Variants in C1orf87 observed in about 807,000 individuals in gnomAD.
The protein encoded by C1orf87 is uncharacterized protein C1orf87.
C1orf87 carries 58 observed loss-of-function variants against 60.5 expected under a neutral mutation model. The ratio of observed to expected loss-of-function variants is 0.96; its 90% CI spans 0.78 to 1.19. C1orf87 has a LOEUF of 1.19. Ranked by LOEUF, C1orf87 falls within the 50% of genes most tolerant of loss-of-function variation. The probability of loss-of-function intolerance (pLI) is 0.00; values close to 1 mark genes in which losing one functional copy is unlikely to be tolerated. For missense variants in C1orf87, 673 were observed against 638.6 expected (o/e 1.05, Z -0.58); for synonymous variants, 236 against 227.4 (o/e 1.04, Z -0.34).
chr1:60,037,358 A>G (rs1487848363), intron 6 of C1orf87, among the ~76,000 whole-genome samples: 1 of 152,224 alleles, frequency 6.6e-6, no homozygotes, highest in Non-Finnish European at 1.5e-5. Flanking sequence ...TTGGGCTGCT[A>G]TAATAGAATA....
At chr1:60,009,642 A>G (rs1645069166) in intron 9 of C1orf87, among the ~76,000 whole-genome samples, 1 of 140,884 alleles carries the variant, frequency 7.1e-6, no homozygotes, top group Admixed American at 7.5e-5. Flanking sequence ...ACACACGCAC[A>G]CACACATGCG....
chr1:60,008,605 C>A lies in C1orf87; in HGVS notation c.1192+1787G>T, dbSNP rs181165186. 2.8e-3 allele frequency: 1,180 copies of A among 422,932 alleles called. 6 individuals are homozygous for A. The highest frequency in any genetic ancestry group is 5.5e-3 in the Middle Eastern group (16 of 2,902). 26.2% of individuals were successfully genotyped at this position (422,932 alleles called of 1,614,324 possible). Reference sequence around the variant, plus strand: ...GACCTATAGAGACACCAGGGATGCACACACACAGAGGAAAGCCATGTGAGG... The same window carrying A: ...GACCTATAGAGACACCAGGGATGCAAACACACAGAGGAAAGCCATGTGAGG... On this transcript the variant is annotated intron_variant, in intron 9 of 11. Coordinates refer to ENST00000371201, the MANE Select transcript of C1orf87 (RefSeq NM_152377.3).
At chr1:59,997,193 G>T (rs993041678) in intron 11 of C1orf87, among the ~76,000 whole-genome samples, 3 of 152,148 alleles carry the variant, frequency 2.0e-5, no homozygotes, top group Non-Finnish European at 2.9e-5. Context: ...GGCAAGGCAA[G>T]TTATTCATTA....
At chr1:60,038,248 G>C (rs1645292530) in intron 5 of C1orf87, 141 bp from the exon 6 acceptor site, 2 of 498,624 alleles carry the variant, frequency 4.0e-6, no homozygotes, top group Admixed American at 3.1e-5. Flanking sequence ...ATAATTATTG[G>C]TGCTTTTTAG....
At chr1:60,045,898 T>A (rs1366629409) in intron 3 of C1orf87, among the ~76,000 whole-genome samples, 1 of 152,214 alleles carries the variant, frequency 6.6e-6, no homozygotes, top group Non-Finnish European at 1.5e-5. Context: ...AATAACATTA[T>A]AACACTTAAA....
rs1223507235 is a variant in C1orf87, at chr1:60,014,784, G to T, written c.1128-4328C>A. Reference sequence around the variant, plus strand: ...TATGTAGTTCTCCAAACTTATTTTTGCTTGGCTTTTGTCTCAGCACATACT... The same window carrying T: ...TATGTAGTTCTCCAAACTTATTTTTTCTTGGCTTTTGTCTCAGCACATACT... On this transcript the variant is annotated intron_variant, in intron 8 of 11. Transcript: ENST00000371201. Among the ~76,000 whole-genome samples, 3 of 151,962 alleles carry T rather than the reference G, an allele frequency of 2.0e-5. No individual in the cohort carries two copies. In the South Asian group the frequency reaches 6.2e-4, roughly 32 times the overall value.
Position 60,038,061 on chromosome 1 carries a change from T to A in C1orf87, c.794A>T (p.Asp265Val), listed in dbSNP as rs1275931274. The change falls in exon 6 of 12, where the codon GAT becomes GTT. Residue 265 changes from aspartate (D) to valine (V), a missense_variant. Coordinates refer to ENST00000371201, the MANE Select transcript of C1orf87 (RefSeq NM_152377.3). ...AGCTGCTTTATTTTGCTGTGGATAA[T>A]CTGATGCTGCACTGTTTAAAAACCA... ...LLWFLNSAASDYPQQNKAAAD... is the reference protein window; with the variant it reads ...LLWFLNSAASVYPQQNKAAAD... 3 of 1,609,892 alleles carry A rather than the reference T, an allele frequency of 1.9e-6. No homozygotes were observed. Among genetic ancestry groups the A allele is most frequent in the Non-Finnish European group, 2.5e-6 (3 of 1,176,800 alleles).
intron 3 of C1orf87, among the ~76,000 whole-genome samples, chr1:60,053,920 CT>C (rs1254190965): frequency 6.6e-6 from 1 of 152,054 alleles, no homozygotes; most frequent in African/African-American, 2.4e-5. Context: ...TGGTATCTAC[CT>C]CACAGGGTTA....
chr1:60,049,954 C>T (rs1308134100), intron 3 of C1orf87, among the ~76,000 whole-genome samples: 1 of 151,952 alleles, frequency 6.6e-6, no homozygotes, highest in African/African-American at 2.4e-5. Flanking sequence ...TTTTCAATTT[C>T]ATTGGTCTTT....
At chr1:60,043,338 A>G (rs1200194359) in intron 3 of C1orf87, among the ~76,000 whole-genome samples, 4 of 152,130 alleles carry the variant, frequency 2.6e-5, no homozygotes, top group Non-Finnish European at 4.4e-5. Flanking sequence ...GCTTTTCCCA[A>G]TTACACTAGG....
chr1:60,040,990 C>A lies in C1orf87; in HGVS notation c.483+1G>T. 1 of 1,606,122 alleles carries A rather than the reference C, an allele frequency of 6.2e-7. No homozygotes were observed. Among genetic ancestry groups the A allele is most frequent in the East Asian group, 2.2e-5 (1 of 44,726 alleles). ...AACTCAACAACTCTTAGTATACACA[C>A]CTCAGGTTGGTCAGAGCTGCCTCTC... is the stretch of plus-strand genomic sequence containing the variant. On this transcript the variant is annotated splice_donor_variant, in intron 4 of 11. Transcript: ENST00000371201. LOFTEE classifies it high-confidence loss of function.
rs188778935 is a variant in C1orf87, at chr1:60,000,828, G to A, written c.1272+249C>T. On this transcript the variant is annotated intron_variant, in intron 10 of 11. Coordinates refer to ENST00000371201, the MANE Select transcript of C1orf87 (RefSeq NM_152377.3). Reference sequence around the variant, plus strand: ...CTACAAGTCCAATTTCTTGGGGCAGGTGGCAAGCCCATCACCACGTGATGG... The same window carrying A: ...CTACAAGTCCAATTTCTTGGGGCAGATGGCAAGCCCATCACCACGTGATGG... Among the ~76,000 whole-genome samples, 23 of 152,114 alleles carry A rather than the reference G, an allele frequency of 1.5e-4. No homozygotes were observed. In the East Asian group the frequency reaches 3.7e-3, roughly 24 times the overall value.
intron 11 of C1orf87, 48 bp from the exon 12 acceptor site, chr1:59,990,881 G>C (rs771898055): frequency 6.4e-7 from 1 of 1,552,140 alleles, no homozygotes; most frequent in Admixed American, 1.8e-5. Context: ...AGGATGGAGG[G>C]AAAACAGAGA....
At position 60,063,636 on chromosome 1, in the gene C1orf87, T is replaced by C. The variant is rs571912767; in HGVS notation, c.108-8198A>G. Among the ~76,000 whole-genome samples, 5 of 152,296 alleles carry C rather than the reference T, an allele frequency of 3.3e-5. No individual in the cohort carries two copies. The East Asian group carries it at 7.7e-4, about 24-fold the overall frequency. On this transcript the variant is annotated intron_variant, in intron 2 of 11. Coordinates refer to ENST00000371201, the MANE Select transcript of C1orf87 (RefSeq NM_152377.3). ...TCTTTCTTAAGCATACCAAGAGGCT[T>C]TGTTCTGACTATTCTGTCTCCTTAG...
At chr1:60,004,756 A>G (rs1645030651) in intron 9 of C1orf87, among the ~76,000 whole-genome samples, 1 of 151,998 alleles carries the variant, frequency 6.6e-6, no homozygotes, top group African/African-American at 2.4e-5. Flanking sequence ...GATTTGTACC[A>G]GAGGAAATAA....
At chr1:59,990,957 C>A in intron 11 of C1orf87, 124 bp from the exon 12 acceptor site, 1 of 934,816 alleles carries the variant, frequency 1.1e-6, no homozygotes, top group Non-Finnish European at 1.6e-6. Context: ...CAATTTTAAG[C>A]TTCTTAAAAA....
intron 1 of C1orf87, 92 bp from the exon 2 acceptor site, chr1:60,072,762 G>A (rs1004052104): frequency 1.6e-6 from 1 of 642,846 alleles, no homozygotes; most frequent in Non-Finnish European, 2.7e-6. Flanking sequence ...AATAATAGCA[G>A]GACAAAGTGT....
intron 3 of C1orf87, among the ~76,000 whole-genome samples, chr1:60,050,917 C>T (rs373035641): frequency 6.6e-6 from 1 of 152,078 alleles, no homozygotes; most frequent in African/African-American, 2.4e-5. Flanking sequence ...GAAGTGTGCA[C>T]AGATTCACTT....
At chr1:60,066,905 A>G (rs1339301015) in intron 2 of C1orf87, among the ~76,000 whole-genome samples, 2 of 150,726 alleles carry the variant, frequency 1.3e-5, no homozygotes, top group African/African-American at 2.4e-5. Flanking sequence ...TTCACCTCCC[A>G]CTTATAAGTG....
Sources: allele counts gnomAD v4.1 joint callset (sites outside exome capture counted in the v4.1 genomes callset), GRCh38; gene constraint gnomAD v4.1.1; transcripts MANE v1.5; gene names NCBI Gene and HGNC (gene_info 2026-07-23, HGNC 2026-07-21).